Variants in ADCY7 observed in about 807,000 individuals in gnomAD.
ADCY7 encodes the protein adenylate cyclase 7.
A neutral mutation model predicts 120.6 loss-of-function variants in ADCY7; 72 were observed. The ratio of observed to expected loss-of-function variants is 0.60; its 90% CI spans 0.49 to 0.73. The LOEUF (loss-of-function observed/expected upper bound fraction) is 0.73. ADCY7 is among the 30% of genes least tolerant of loss of function. The pLI, the probability that ADCY7 is intolerant of heterozygous loss-of-function variation, is 0.00. For missense variants in ADCY7, 1,227 were observed against 1,486.0 expected, an observed-to-expected ratio of 0.83 and a Z score of 2.87; for synonymous variants, 661 against 628.0, an observed-to-expected ratio of 1.05 and a Z score of -0.78.
chr16:50,295,569 T>C (rs988858022), intron 7 of ADCY7, among the ~76,000 whole-genome samples: 5 of 151,938 alleles, frequency 3.3e-5, no homozygotes, highest in Non-Finnish European at 7.4e-5. Context: ...GGGAACAGCA[T>C]AGACAAAGCC....
intron 1 of ADCY7, among the ~76,000 whole-genome samples, chr16:50,255,440 A>ACAG (rs1267892852): frequency 7.0e-6 from 1 of 143,478 alleles, no homozygotes; most frequent in Non-Finnish European, 1.5e-5. Flanking sequence ...AACCAATGGA[A>ACAG]CAGGATAGAG....
chr16:50,300,862 C>A lies in ADCY7; in HGVS notation c.1224C>A (p.Ala408=). 1 of 1,556,468 alleles carries A rather than the reference C, an allele frequency of 6.4e-7. No homozygotes were observed. Among genetic ancestry groups the A allele is most frequent in the Non-Finnish European group, 8.7e-7 (1 of 1,149,802 alleles). Residue 408 remains alanine, a synonymous_variant, in exon 9 of 26, where the codon GCC becomes GCA. Transcript: ENST00000673801. ...DVSLANRMEA[A]GVPGRVHITE... is the part of the protein sequence containing the mutation. ...CCCTGGCCAACCGGATGGAGGCAGC[C>A]GGAGTACCCGGGTGAGGCTGGGCTG...
In ADCY7 at chr16:50,317,918, A is replaced by AAAC. The variant is rs398070800; in HGVS notation, c.*2413_*2414insAAC. The AAAC allele has an allele frequency of 1.3e-5, 2 of 151,200 alleles. No homozygotes were observed. Among genetic ancestry groups the AAAC allele is most frequent in the Admixed American group, 6.6e-5 (1 of 15,138 alleles). 9.4% of individuals were successfully genotyped at this position (151,200 alleles called of 1,614,324 possible). On this transcript the variant is annotated 3_prime_UTR_variant, in exon 26 of 26. Transcript: ENST00000673801. The stretch of plus-strand genomic sequence containing the variant: ...CTAACAAACAAACAAACAAACAAAC[A>AAAC]GAAGAGAAGATCATTAACCACTGTA...
intron 1 of ADCY7, among the ~76,000 whole-genome samples, chr16:50,286,905 A>G (rs1390502742): frequency 1.3e-5 from 2 of 152,210 alleles, no homozygotes; most frequent in East Asian, 1.9e-4. Context: ...TGTGAAAGCA[A>G]AACAGTGAAA....
chr16:50,253,059 TACAG>T (rs2032806744), intron 1 of ADCY7, among the ~76,000 whole-genome samples: 1 of 152,130 alleles, frequency 6.6e-6, no homozygotes, highest in Non-Finnish European at 1.5e-5. Context: ...GTTAAAGTGT[TACAG>T]ACATCAGCAG....
At chr16:50,284,442 C>G (rs1195391039) in intron 1 of ADCY7, among the ~76,000 whole-genome samples, 4 of 152,246 alleles carry the variant, frequency 2.6e-5, no homozygotes, top group Admixed American at 2.6e-4. Context: ...GGTGGCCCAG[C>G]CTGGCTTTGT....
intron 15 of ADCY7, 74 bp from the exon 16 acceptor site, chr16:50,308,253 C>T (rs2036209698): frequency 6.2e-7 from 1 of 1,613,102 alleles, no homozygotes. Context: ...TGGCTGTGAG[C>T]CAGAGGATTG....
chr16:50,298,764 C>A, intron 7 of ADCY7, 140 bp from the exon 8 acceptor site: 1 of 1,234,548 alleles, frequency 8.1e-7, no homozygotes, highest in Non-Finnish European at 1.1e-6. Context: ...CCAGAAGTGG[C>A]TCCTGGTGAC....
At position 50,314,996 on chromosome 16, in the gene ADCY7, T is replaced by A; in HGVS notation, c.2972-18T>A. On this transcript the variant is annotated intron_variant, in intron 24 of 25. Coordinates refer to ENST00000673801, the MANE Select transcript of ADCY7 (RefSeq NM_001114.5). The stretch of plus-strand genomic sequence containing the variant: ...GGCTTTGCCTGCACGCTTGGGTAAC[T>A]GTAAACATCATCTTCAGGCATAAAC... The A allele has an allele frequency of 1.9e-6, 3 of 1,613,958 alleles. No individual in the cohort carries two copies. Among genetic ancestry groups the A allele is most frequent in the Non-Finnish European group, 2.5e-6 (3 of 1,179,926 alleles).
At chr16:50,309,212 C>T (rs2036283499) in intron 17 of ADCY7, 1 of 346,604 alleles carries the variant, frequency 2.9e-6, no homozygotes, top group Admixed American at 4.5e-5. Context: ...CTCTCCCTCA[C>T]CTCTCTGCCC....
intron 1 of ADCY7, among the ~76,000 whole-genome samples, chr16:50,255,488 A>G (rs1163847736): frequency 2.0e-5 from 3 of 150,190 alleles, no homozygotes; most frequent in Admixed American, 1.3e-4. Context: ...TTACAGCCCA[A>G]TGATTTGTTT....
chr16:50,310,969 T>TG, intron 19 of ADCY7, 89 bp downstream of exon 19: 1 of 1,332,620 alleles, frequency 7.5e-7, no homozygotes, highest in Non-Finnish European at 1.0e-6. Flanking sequence ...TCTGTGTTCA[T>TG]GGGGAGTGGG....
rs1024037652 is a variant in ADCY7, at chr16:50,317,664, T to C, written c.*2159T>C. ...TTTTTAGTTTTCAGTGTTCAGGTTA[T>C]AGAATATAACTGACCATAAAAATTA... On this transcript the variant is annotated 3_prime_UTR_variant, in exon 26 of 26. Transcript: ENST00000673801. 5.9e-5 allele frequency: 9 copies of C among 152,350 alleles called. No individual in the cohort carries two copies. The highest frequency in any genetic ancestry group is 1.9e-4 in the African/African-American group (8 of 41,444). 9.4% of individuals were successfully genotyped at this position (152,350 alleles called of 1,614,324 possible). A position where few individuals can be genotyped will look rare whatever the true frequency, so the allele number is the denominator to read the frequency against.
chr16:50,261,168 G>T (rs2033048674), intron 1 of ADCY7, among the ~76,000 whole-genome samples: 1 of 152,210 alleles, frequency 6.6e-6, no homozygotes, highest in South Asian at 2.1e-4. Context: ...CCCCTGCAGG[G>T]CTGGTTCCCC....
intron 17 of ADCY7, 155 bp downstream of exon 17, chr16:50,308,947 C>A: frequency 1.1e-6 from 1 of 943,670 alleles, no homozygotes; most frequent in Non-Finnish European, 1.5e-6. Context: ...ACTCAGGGCT[C>A]CTCACCTTTG....
rs1416098171 is a variant in ADCY7, at chr16:50,288,270, C to T, written c.91C>T (p.His31Tyr). Reference sequence around the variant, plus strand: ...CGAGAAGTACCAGCTCACCAGCCAGCATGGGCCGCTGCTGCTCACGCTCCT... The same window carrying T: ...CGAGAAGTACCAGCTCACCAGCCAGTATGGGCCGCTGCTGCTCACGCTCCT... ...LYEKYQLTSQ[H>Y]GPLLLTLLLV... Residue 31 changes from histidine to tyrosine, a missense_variant, in exon 2 of 26, where the codon CAT becomes TAT. By Grantham distance (83) the His-to-Tyr change is moderately conservative. Coordinates refer to ENST00000673801, the MANE Select transcript of ADCY7 (RefSeq NM_001114.5). The T allele has an allele frequency of 1.9e-6, 3 of 1,551,210 alleles. No homozygotes were observed. The highest frequency in any genetic ancestry group is 2.4e-5 in the East Asian group (1 of 41,048).
Position 50,294,670 on chromosome 16 carries a change from G to T in ADCY7, c.867G>T (p.Thr289=). The T allele has an allele frequency of 6.6e-7, 1 of 1,519,748 alleles. No individual in the cohort carries two copies. The highest frequency in any genetic ancestry group is 9.0e-7 in the Non-Finnish European group (1 of 1,112,396). The allele number at this position is 1,519,748 out of a possible 1,614,324, so 94.1% of individuals were successfully genotyped here. The change falls in exon 7 of 26, where the codon ACG becomes ACT. Residue 289 remains threonine, a synonymous_variant. Transcript: ENST00000673801. ...TCTATGCGGACATCGTGGGCTTCACGCAGCTGGCCAGCGACTGTTCTCCCA... is the reference window on the plus strand; with the variant it reads ...TCTATGCGGACATCGTGGGCTTCACTCAGCTGGCCAGCGACTGTTCTCCCA... ...SILYADIVGF[T]QLASDCSPKE...
intron 1 of ADCY7, among the ~76,000 whole-genome samples, chr16:50,284,487 C>T (rs758306187): frequency 1.6e-4 from 24 of 152,266 alleles, no homozygotes; most frequent in Non-Finnish European, 3.2e-4. Flanking sequence ...CACTCTCACA[C>T]TTGCACTTTC....
rs375086461 is a variant in ADCY7, at chr16:50,312,886, C to T, written c.2605-4C>T. The T allele has an allele frequency of 1.2e-5, 19 of 1,613,872 alleles. No homozygotes were observed. In the African/African-American group the frequency reaches 2.1e-4, roughly 18 times the overall value. ...GGTGTAAGGTCCGGTTTCTTCCCAT[C>T]CAGGACTGGTACCATCAGTCCTATG... On this transcript the variant is annotated splice_region_variant and splice_polypyrimidine_tract_variant and intron_variant, in intron 21 of 25. Transcript: ENST00000673801.
Sources: allele counts gnomAD v4.1 joint callset (sites outside exome capture counted in the v4.1 genomes callset), GRCh38; gene constraint gnomAD v4.1.1; transcripts MANE v1.5; gene names NCBI Gene and HGNC (gene_info 2026-07-23, HGNC 2026-07-21).